Variants in MAGI2 observed in about 807,000 individuals in gnomAD.
MAGI2 encodes membrane-associated guanylate kinase, WW and PDZ domain-containing protein 2.
In MAGI2, 35 loss-of-function variants were observed where a neutral mutation model predicts 133.3. The observed-to-expected ratio is 0.26, with a 90% CI of 0.20 to 0.35. The LOEUF (loss-of-function observed/expected upper bound fraction) is 0.35. Ranked by LOEUF, MAGI2 falls within the 10% of genes least tolerant of loss-of-function variation. The probability of loss-of-function intolerance (pLI) is 1.00; values close to 1 mark genes in which losing one functional copy is unlikely to be tolerated. For synonymous variants in MAGI2, 729 were observed against 710.6 expected (o/e 1.03, Z -0.41); for missense variants, 1,636 against 1,863.4 (o/e 0.88, Z 2.25).
chr7:78,099,332 C>T lies in MAGI2; in HGVS notation c.3568-20247G>A, dbSNP rs1272181759. ...CTTTAATGAAATATTTAGGAAACAA[C>T]TGAGTTATAAATGATTAACTTTTTT... On this transcript the variant is annotated intron_variant, in intron 20 of 21. Coordinates refer to ENST00000354212, the MANE Select transcript of MAGI2 (RefSeq NM_012301.4). Among the ~76,000 whole-genome samples the T allele has an allele frequency of 2.0e-5, 3 of 152,066 alleles. No individual in the cohort carries two copies. The South Asian group carries it at 6.2e-4, about 31-fold the overall frequency.
chr7:78,078,804 G>T, intron 21 of MAGI2, 143 bp downstream of exon 21: 1 of 774,094 alleles, frequency 1.3e-6, no homozygotes. Flanking sequence ...GTGTGTGTGT[G>T]TGTGTGTGTA....
intron 21 of MAGI2, among the ~76,000 whole-genome samples, chr7:78,032,364 G>A (rs931016142): frequency 2.6e-5 from 4 of 151,922 alleles, no homozygotes; most frequent in African/African-American, 7.3e-5. Context: ...ACAGGTATGC[G>A]CCAACACACC....
intron 21 of MAGI2, among the ~76,000 whole-genome samples, chr7:78,052,659 C>T (rs1324398747): frequency 6.6e-6 from 1 of 152,222 alleles, no homozygotes; most frequent in African/African-American, 2.4e-5. Context: ...AAATGCTTGG[C>T]TACTGGGGAA....
intron 1 of MAGI2, among the ~76,000 whole-genome samples, chr7:79,402,349 T>C (rs1296270569): frequency 2.0e-5 from 3 of 152,136 alleles, no homozygotes; most frequent in African/African-American, 4.8e-5. Flanking sequence ...AAAACTGAAG[T>C]TCAGAGACAG....
chr7:78,466,686 A>G (rs1394781042), intron 6 of MAGI2, among the ~76,000 whole-genome samples: 1 of 152,154 alleles, frequency 6.6e-6, no homozygotes, highest in Non-Finnish European at 1.5e-5. Flanking sequence ...AATTGCTGGT[A>G]CTTACTGAGG....
intron 9 of MAGI2, among the ~76,000 whole-genome samples, chr7:78,321,253 G>T (rs1265973730): frequency 1.3e-5 from 2 of 152,192 alleles, no homozygotes; most frequent in Middle Eastern, 3.4e-3. Context: ...TTTCTTCACA[G>T]AATTGGAAAA....
chr7:79,348,132 T>A (rs1841451887), intron 1 of MAGI2, among the ~76,000 whole-genome samples: 1 of 151,924 alleles, frequency 6.6e-6, no homozygotes, highest in Non-Finnish European at 1.5e-5. Context: ...TAAGCATTTT[T>A]ATAATCTGTG....
At chr7:79,169,776 C>T (rs113263479) in intron 1 of MAGI2, among the ~76,000 whole-genome samples, 19 of 152,174 alleles carry the variant, frequency 1.2e-4, no homozygotes, top group African/African-American at 4.6e-4. Context: ...CAGCTAACAG[C>T]CACATCAACA....
In MAGI2 at chr7:78,132,976, A is replaced by T. The variant is rs375172075; in HGVS notation, c.3116T>A (p.Leu1039Gln). 1 of 1,612,836 alleles carries T rather than the reference A, an allele frequency of 6.2e-7. No homozygotes were observed. Among genetic ancestry groups the T allele is most frequent in the Admixed American group, 1.7e-5 (1 of 59,908 alleles). The stretch of plus-strand genomic sequence containing the variant: ...GGGGGTGGCTGGGCTTGGCTGGGCC[A>T]GGGGACTCTGCTGTGCCAGGGGACT... ...QQSPLAQQSP[L>Q]AQPSPATPNS... Residue 1039 changes from leucine to glutamine, a missense_variant, in exon 18 of 22, where the codon CTG becomes CAG. Physicochemically the swap from Leu to Gln is moderately radical, Grantham distance 113 (BLOSUM62 -2). Coordinates refer to ENST00000354212, the MANE Select transcript of MAGI2 (RefSeq NM_012301.4).
rs187345764 is a variant in MAGI2 at position 79,070,295 on chromosome 7, T to C, written c.302-63089A>G. 3.3e-3 allele frequency among the ~76,000 whole-genome samples: 495 copies of C among 151,754 alleles called. 7 individuals are homozygous for C. The highest frequency in any genetic ancestry group is 2.0e-3 in the Admixed American group (30 of 15,234). On this transcript the variant is annotated intron_variant, in intron 1 of 21. Transcript: ENST00000354212. The stretch of plus-strand genomic sequence containing the variant: ...ATAGTCCCATGTTTCTTGGAGTCTT[T>C]GTTCATTTCTTTTCATTCTTTTTTC...
intron 10 of MAGI2, among the ~76,000 whole-genome samples, chr7:78,251,243 A>G (rs1320839931): frequency 6.6e-6 from 1 of 152,196 alleles, no homozygotes; most frequent in Non-Finnish European, 1.5e-5. Flanking sequence ...CAACCTGATA[A>G]AGGGCATATA....
chr7:78,171,784 A>G (rs2214648), intron 14 of MAGI2, among the ~76,000 whole-genome samples: 76,699 of 151,954 alleles, frequency 0.5, 19,537 homozygotes, highest in African/African-American at 0.56. Context: ...GCCTTGCCCC[A>G]TTCATTACCT....
chr7:78,187,666 T>C (rs1433441120), intron 12 of MAGI2, among the ~76,000 whole-genome samples: 2 of 152,214 alleles, frequency 1.3e-5, no homozygotes, highest in Non-Finnish European at 2.9e-5. Context: ...ATTAGCTTTC[T>C]GGCACAATTG....
At chr7:78,893,065 C>A (rs1393654245) in intron 2 of MAGI2, among the ~76,000 whole-genome samples, 1 of 151,884 alleles carries the variant, frequency 6.6e-6, no homozygotes, top group East Asian at 1.9e-4. Context: ...AAAAAGTGGG[C>A]AAAGGATATG....
intron 9 of MAGI2, among the ~76,000 whole-genome samples, chr7:78,326,144 T>C (rs185303770): frequency 1.6e-4 from 24 of 152,302 alleles, no homozygotes; most frequent in Admixed American, 1.6e-3. Flanking sequence ...CCACACTGCT[T>C]TCATCTTATA....
At chr7:79,092,819 A>T (rs1817180145) in intron 1 of MAGI2, among the ~76,000 whole-genome samples, 1 of 152,144 alleles carries the variant, frequency 6.6e-6, no homozygotes. Flanking sequence ...CAGGCTAGGC[A>T]TCACTACATC....
intron 6 of MAGI2, among the ~76,000 whole-genome samples, chr7:78,456,457 A>G (rs2151496001): frequency 6.6e-6 from 1 of 152,266 alleles, no homozygotes; most frequent in East Asian, 1.9e-4. Context: ...TATTTTTTAA[A>G]AAATTACTGA....
At chr7:78,242,667 G>A (rs1272677375) in intron 10 of MAGI2, among the ~76,000 whole-genome samples, 2 of 151,966 alleles carry the variant, frequency 1.3e-5, no homozygotes, top group Non-Finnish European at 2.9e-5. Flanking sequence ...TCTCAGTAAC[G>A]TTTCTATATT....
At chr7:79,402,774 C>A (rs1001183434) in intron 1 of MAGI2, among the ~76,000 whole-genome samples, 1 of 152,238 alleles carries the variant, frequency 6.6e-6, no homozygotes, top group East Asian at 1.9e-4. Context: ...CCGGCCTGGG[C>A]AACATAGCAA....
Sources: gnomAD v4.1 joint callset for allele counts (sites outside exome capture counted in the v4.1 genomes callset) on GRCh38, gnomAD v4.1.1 for gene constraint, MANE v1.5 for transcripts, NCBI Gene and HGNC (gene_info 2026-07-23, HGNC 2026-07-21) for gene names.